PLEKHA6: variants seen among roughly 807,000 people sequenced by gnomAD.
The protein encoded by PLEKHA6 is pleckstrin homology domain-containing family A member 6.
PLEKHA6 carries 60 observed loss-of-function variants against 116.7 expected under a neutral mutation model. The observed-to-expected ratio is 0.51, with a 90% CI of 0.42 to 0.64. The LOEUF (loss-of-function observed/expected upper bound fraction) is 0.64, where lower values mean the gene tolerates loss of function less well. PLEKHA6 is among the 30% of genes least tolerant of loss of function. The pLI is 0.00. For missense variants in PLEKHA6, 1,338 were observed against 1,422.7 expected, an observed-to-expected ratio of 0.94 and a Z score of 0.96; for synonymous variants, 489 against 556.1, an observed-to-expected ratio of 0.88 and a Z score of 1.70.
chr1:204,326,046 T>TC (rs1672231486), intron 1 of PLEKHA6: 1 of 255,994 alleles, frequency 3.9e-6, no homozygotes, highest in Non-Finnish European at 6.1e-6. Context: ...GAGCCATGCT[T>TC]CCCCTGGCTT....
intron 17 of PLEKHA6, 143 bp downstream of exon 17, chr1:204,241,232 G>T: frequency 3.3e-6 from 2 of 608,316 alleles, no homozygotes; most frequent in South Asian, 2.0e-5. Flanking sequence ...CTCCAGTGGG[G>T]CTCTTGCCCC....
chr1:204,282,005 A>G (rs1668676084), intron 1 of PLEKHA6, among the ~76,000 whole-genome samples: 1 of 152,176 alleles, frequency 6.6e-6, no homozygotes, highest in African/African-American at 2.4e-5. Context: ...GGCTCCGTGG[A>G]CAAGGGAGAG....
Position 204,259,417 on chromosome 1 carries a change from G to A in PLEKHA6, c.848C>T (p.Thr283Ile), listed in dbSNP as rs369683483. 9.3e-6 allele frequency: 15 copies of A among 1,614,244 alleles called. No homozygotes were observed. The highest frequency in any genetic ancestry group is 1.3e-5 in the Non-Finnish European group (15 of 1,180,046). ...QYHSPSRPGS[T>I]AFPSQDGETG... ...CTCTCCATCCTGAGACGGGAAAGCT[G>A]TGCTCCCTGGCCGGCTTGGGGAGTG... The change falls in exon 8 of 23, where the codon ACA becomes ATA. Residue 283 changes from threonine to isoleucine, a missense_variant. By Grantham distance (89) the Thr-to-Ile change is moderately conservative. Around this residue, in one of 3 missense-constraint regions of PLEKHA6, gnomAD observed 1,136 missense variants for 1,163.6 expected, o/e 0.98. Coordinates refer to ENST00000272203, the MANE Select transcript of PLEKHA6 (RefSeq NM_014935.5). This position sits in a 1 kb window ranked among gnomAD's most constrained non-coding sequence, Gnocchi z 4.6.
At chr1:204,328,045 ATTTTATTT>A (rs1672305404) in intron 1 of PLEKHA6, among the ~76,000 whole-genome samples, 1 of 125,650 alleles carries the variant, frequency 8.0e-6, no homozygotes, top group Admixed American at 8.6e-5. Context: ...GCTTTTATTT[ATTTTATTT>A]ATTTATTTAT....
At chr1:204,319,542 A>C (rs1160610763) in intron 1 of PLEKHA6, among the ~76,000 whole-genome samples, 1 of 152,210 alleles carries the variant, frequency 6.6e-6, no homozygotes, top group Non-Finnish European at 1.5e-5. Context: ...AGGCACTTCT[A>C]GTCCCCATAC....
chr1:204,340,038 A>C (rs745465008), intron 1 of PLEKHA6, among the ~76,000 whole-genome samples: 1 of 152,254 alleles, frequency 6.6e-6, no homozygotes. Context: ...AAGTTAATTA[A>C]GCATTACTTT....
chr1:204,247,378 T>A lies in PLEKHA6; in HGVS notation c.1907A>T (p.Asn636Ile). Reference protein sequence around the residue: ...ALHDDLWEQLNLDTQNEVLNR... With the variant: ...ALHDDLWEQLILDTQNEVLNR... ...GCCCTTCTTCACCTGGGTGTCCAAA[T>A]TGAGCTGCTCCCAGAGGTCATCGTG... is the stretch of plus-strand genomic sequence containing the variant. Residue 636 changes from asparagine to isoleucine, a missense_variant, in exon 13 of 23, where the codon AAT (asparagine) becomes ATT (isoleucine). Physicochemically the swap from Asn to Ile is moderately radical, Grantham distance 149. Around this residue, in one of 3 missense-constraint regions of PLEKHA6, gnomAD observed 1,136 missense variants for 1,163.6 expected, o/e 0.98. Transcript: ENST00000272203. 6.2e-7 allele frequency: 1 copy of A among 1,610,636 alleles called. No individual in the cohort carries two copies.
At chr1:204,367,047 C>G (rs1207630569) in intron 3 of PLEKHA6, among the ~76,000 whole-genome samples, 1 of 152,238 alleles carries the variant, frequency 6.6e-6, no homozygotes, top group East Asian at 1.9e-4. Context: ...GTGAGGCCCA[C>G]AGGCCTGGGC....
rs931769265 is a variant in PLEKHA6, at chr1:204,280,378, T to C, written c.-94-5569A>G. ...CATGCACACACACTCCCAGGCTGGA[T>C]GCCCAGAACCCCACTGTGATCAATA... On this transcript the variant is annotated intron_variant, in intron 1 of 22. Coordinates refer to ENST00000272203, the MANE Select transcript of PLEKHA6 (RefSeq NM_014935.5). 7 of 985,400 alleles carry C rather than the reference T, an allele frequency of 7.1e-6. No homozygotes were observed. The South Asian group carries it at 3.3e-4, about 46-fold the overall frequency. 61.0% of individuals were successfully genotyped at this position (985,400 alleles called of 1,614,324 possible).
intron 1 of PLEKHA6, among the ~76,000 whole-genome samples, chr1:204,356,748 C>T (rs1673427619): frequency 6.6e-6 from 1 of 151,822 alleles, no homozygotes; most frequent in African/African-American, 2.4e-5. Context: ...ACAAGTATAC[C>T]AAAATTAAAA....
intron 1 of PLEKHA6, among the ~76,000 whole-genome samples, chr1:204,284,394 G>A (rs1021386306): frequency 1.3e-5 from 2 of 152,204 alleles, no homozygotes; most frequent in Non-Finnish European, 2.9e-5. Flanking sequence ...CTGGAGCCAG[G>A]TGGATTGTGG....
intron 3 of PLEKHA6, among the ~76,000 whole-genome samples, chr1:204,270,885 G>A (rs905044461): frequency 1.3e-5 from 2 of 152,060 alleles, no homozygotes; most frequent in African/African-American, 4.8e-5. Context: ...CGTGCCTTTC[G>A]CAGTGTGCTC....
At chr1:204,359,553 C>A in intron 1 of PLEKHA6, 141 bp downstream of exon 1, 1 of 961,010 alleles carries the variant, frequency 1.0e-6, no homozygotes, top group Non-Finnish European at 1.2e-6. Context: ...GTAAGGCTGC[C>A]AAGGATGAGA....
intron 1 of PLEKHA6, chr1:204,275,724 T>A (rs1336476887): frequency 1.0e-6 from 1 of 985,086 alleles, no homozygotes; most frequent in Non-Finnish European, 1.2e-6. Context: ...TAAGCCATAA[T>A]GGCAACCCCC....
At position 204,261,255 on chromosome 1, in the gene PLEKHA6, T is replaced by C. The variant is rs1666077914; in HGVS notation, c.524+51A>G. ...GGCCCAGAGCTGGGTGTGTCTTCCA[T>C]TCCCCTCTTTATTCTTCCTGCACCC... On this transcript the variant is annotated intron_variant, in intron 7 of 22. Coordinates refer to ENST00000272203, the MANE Select transcript of PLEKHA6 (RefSeq NM_014935.5). This position sits in a 1 kb window ranked among gnomAD's most constrained non-coding sequence, Gnocchi z 4.0. 1 of 1,605,734 alleles carries C rather than the reference T, an allele frequency of 6.2e-7. No homozygotes were observed. Among genetic ancestry groups the C allele is most frequent in the Non-Finnish European group, 8.5e-7 (1 of 1,172,378 alleles).
At chr1:204,291,582 A>G (rs4951354) in intron 1 of PLEKHA6, among the ~76,000 whole-genome samples, 44,076 of 152,154 alleles carry the variant, frequency 0.29, 7,449 homozygotes, top group East Asian at 0.53. Context: ...ACAGAGTACT[A>G]CTCAGCAATA....
intron 17 of PLEKHA6, among the ~76,000 whole-genome samples, chr1:204,231,671 A>T (rs1661197676): frequency 6.6e-6 from 1 of 151,106 alleles, no homozygotes; most frequent in South Asian, 2.1e-4. Context: ...AGGTTCAAGC[A>T]ATCTTCCTGC....
At chr1:204,307,604 G>T (rs1432281482) in intron 1 of PLEKHA6, among the ~76,000 whole-genome samples, 1 of 152,316 alleles carries the variant, frequency 6.6e-6, no homozygotes, top group Middle Eastern at 3.4e-3. Flanking sequence ...GAAACTGCAG[G>T]TTGGCCAAGT....
Position 204,277,989 on chromosome 1 carries a change from G to T in PLEKHA6, c.-94-3180C>A, listed in dbSNP as rs1033655262. 6.6e-6 allele frequency: 1 copy of T among 152,264 alleles called. No homozygotes were observed. Among genetic ancestry groups the T allele is most frequent in the Admixed American group, 6.5e-5 (1 of 15,280 alleles). The allele number at this position is 152,264 out of a possible 1,614,324, so 9.4% of individuals were successfully genotyped here. On this transcript the variant is annotated intron_variant, in intron 1 of 22. Coordinates refer to ENST00000272203, the MANE Select transcript of PLEKHA6 (RefSeq NM_014935.5). This position sits in a 1 kb window ranked among gnomAD's most constrained non-coding sequence, Gnocchi z 4.1. ...GGGCAGCAAATGGGGCTTGAGAGGG[G>T]GTCACTGTGTGTTTATGGCTGAAAA...
Sources: gnomAD v4.1 joint callset for allele counts (sites outside exome capture counted in the v4.1 genomes callset) on GRCh38, gnomAD v4.1.1 for gene constraint, gnomAD v4.1.1 regional missense constraint, Gnocchi (gnomAD v3.1) non-coding constraint, MANE v1.5 for transcripts, NCBI Gene and HGNC (gene_info 2026-07-23, HGNC 2026-07-21) for gene names.